ACTR3C: variants seen among roughly 807,000 people sequenced by gnomAD.
ACTR3C encodes the protein actin-related protein 3C.
Under a neutral mutation model 26.3 loss-of-function variants are expected in ACTR3C, and 18 were observed. The ratio of observed to expected loss-of-function variants is 0.68; its 90% CI spans 0.47 to 1.01. The LOEUF is 1.01. Among genes scored for constraint, ACTR3C ranks in the 50% least tolerant of loss-of-function variants. The pLI is 0.00. For synonymous variants in ACTR3C, 55 were observed against 94.5 expected (o/e 0.58, Z 2.42); for missense variants, 184 against 250.7 (o/e 0.73, Z 1.80).
chr7:149,935,647 C>T, the ACTR3C span, among the ~76,000 whole-genome samples: 1 of 128,968 alleles, frequency 7.8e-6, no homozygotes, highest in Non-Finnish European at 1.7e-5. Flanking sequence ...CGTGATCCAC[C>T]TGCCTCAGCC....
chr7:149,960,085 T>G, the ACTR3C span, among the ~76,000 whole-genome samples: 10 of 151,890 alleles, frequency 6.6e-5, no homozygotes, highest in Admixed American at 3.9e-4. Context: ...TTTCCAGAAC[T>G]CTACCTAAAT....
At chr7:150,193,028 C>T in the ACTR3C span, among the ~76,000 whole-genome samples, 1 of 152,182 alleles carries the variant, frequency 6.6e-6, no homozygotes, top group East Asian at 1.9e-4. Context: ...TTCCTTCTCC[C>T]AAACTTCCTT....
the ACTR3C span, among the ~76,000 whole-genome samples, chr7:150,029,679 T>C: frequency 6.6e-6 from 1 of 152,078 alleles, no homozygotes; most frequent in African/African-American, 2.4e-5. Context: ...ATCTCATGTG[T>C]CTGCTTCCAA....
At chr7:150,280,649 A>G (rs1241775112) in intron 6 of ACTR3C, among the ~76,000 whole-genome samples, 1 of 152,172 alleles carries the variant, frequency 6.6e-6, no homozygotes, top group Non-Finnish European at 1.5e-5. Context: ...GGAATCTTAC[A>G]TATTCTCACT....
chr7:150,078,893 A>G, the ACTR3C span, among the ~76,000 whole-genome samples: 1 of 152,312 alleles, frequency 6.6e-6, no homozygotes, highest in South Asian at 2.1e-4. Context: ...CTGAATGCAC[A>G]CAGCACTTCA....
the ACTR3C span, among the ~76,000 whole-genome samples, chr7:149,928,679 T>C: frequency 6.6e-6 from 1 of 151,042 alleles, no homozygotes; most frequent in Non-Finnish European, 1.5e-5. Flanking sequence ...CCATCTCTAC[T>C]AAAAATACAA....
chr7:149,888,574 A>G, the ACTR3C span, among the ~76,000 whole-genome samples: 2 of 152,000 alleles, frequency 1.3e-5, no homozygotes, highest in African/African-American at 2.4e-5. Flanking sequence ...TCTTTTCCCT[A>G]TTGATTTATA....
At chr7:150,181,536 G>T in the ACTR3C span, among the ~76,000 whole-genome samples, 1 of 150,344 alleles carries the variant, frequency 6.7e-6, no homozygotes, top group Non-Finnish European at 1.5e-5. Flanking sequence ...CAAAGGTACA[G>T]TGACCTTAGG....
the ACTR3C span, among the ~76,000 whole-genome samples, chr7:150,025,940 C>A: frequency 2.6e-5 from 4 of 152,106 alleles, no homozygotes; most frequent in Non-Finnish European, 5.9e-5. Context: ...TAAATTCTCA[C>A]CCTGCTTCGA....
chr7:150,142,533 G>T, the ACTR3C span, among the ~76,000 whole-genome samples: 2,075 of 152,178 alleles, frequency 0.014, 50 homozygotes, highest in African/African-American at 0.048. Flanking sequence ...TTGTTTTTTT[G>T]TTTGTTTGTT....
At chr7:150,281,409 G>C (rs1159065280) in intron 6 of ACTR3C, among the ~76,000 whole-genome samples, 3 of 150,760 alleles carry the variant, frequency 2.0e-5, no homozygotes, top group Middle Eastern at 3.4e-3. Context: ...ACAGAAGGGA[G>C]CGTAGCAGGG....
the ACTR3C span, among the ~76,000 whole-genome samples, chr7:150,034,625 T>C: frequency 6.6e-6 from 1 of 151,356 alleles, no homozygotes; most frequent in African/African-American, 2.4e-5. Context: ...TTCTTTCTGT[T>C]CCCGAGCTGC....
chr7:150,041,605 T>A, the ACTR3C span: 3 of 120,154 alleles, frequency 2.5e-5, 1 homozygote, highest in Non-Finnish European at 5.0e-5. Flanking sequence ...AACCAGGGGC[T>A]GGCTCTCAGT....
At chr7:150,180,457 A>G in the ACTR3C span, among the ~76,000 whole-genome samples, 1 of 150,098 alleles carries the variant, frequency 6.7e-6, no homozygotes, top group African/African-American at 2.5e-5. Context: ...GAATATTAGT[A>G]TAGATATAAA....
At position 150,276,618 on chromosome 7, in the gene ACTR3C, G is replaced by A. The variant is rs1187071167; in HGVS notation, c.564+8135C>T. The stretch of plus-strand genomic sequence containing the variant: ...GTCCAGCCCTCAACAGCCGCCTGAT[G>A]GGAAGAGACATAACAATTAATGGCA... On this transcript the variant is annotated intron_variant, in intron 6 of 7. Coordinates refer to ENST00000683684, the MANE Select transcript of ACTR3C (RefSeq NM_001164458.2). Among the ~76,000 whole-genome samples the A allele has an allele frequency of 5.3e-5, 8 of 152,192 alleles. 1 individual carries two copies. The East Asian group carries it at 1.5e-3, about 29-fold the overall frequency.
At chr7:150,044,017 A>C in the ACTR3C span, among the ~76,000 whole-genome samples, 7 of 152,322 alleles carry the variant, frequency 4.6e-5, no homozygotes, top group South Asian at 1.2e-3. Context: ...GTGATTTGCT[A>C]ATGTCTCCCA....
the ACTR3C span, among the ~76,000 whole-genome samples, chr7:150,020,788 T>C: frequency 2.0e-5 from 3 of 152,262 alleles, no homozygotes; most frequent in South Asian, 6.2e-4. Context: ...CTATATTTTT[T>C]ATATGGAACT....
At chr7:150,045,388 T>G in the ACTR3C span, among the ~76,000 whole-genome samples, 3 of 152,264 alleles carry the variant, frequency 2.0e-5, no homozygotes, top group African/African-American at 7.2e-5. Context: ...ACATTCAGCC[T>G]GTGTCATGAG....
chr7:150,121,693 AG>A, the ACTR3C span, among the ~76,000 whole-genome samples: 1 of 150,096 alleles, frequency 6.7e-6, no homozygotes, highest in African/African-American at 2.5e-5. Context: ...ATCCCCATCA[AG>A]CTACCACTGA....
Sources: gnomAD v4.1 joint callset for allele counts (sites outside exome capture counted in the v4.1 genomes callset) on GRCh38, gnomAD v4.1.1 for gene constraint, MANE v1.5 for transcripts, NCBI Gene and HGNC (gene_info 2026-07-23, HGNC 2026-07-21) for gene names.